Variants in LMBRD1 observed in about 807,000 individuals in gnomAD.
The protein encoded by LMBRD1 is lysosomal cobalamin transport escort protein LMBD1.
A neutral mutation model predicts 74.8 loss-of-function variants in LMBRD1; 64 were observed. That is an observed-to-expected ratio of 0.86 (90% confidence interval 0.70 to 1.05). The LOEUF (loss-of-function observed/expected upper bound fraction) is 1.05, where lower values mean the gene tolerates loss of function less well. LMBRD1 is among the 50% of genes least tolerant of loss of function. LMBRD1 has a pLI of 0.00. For synonymous variants in LMBRD1, 204 were observed against 216.3 expected, an observed-to-expected ratio of 0.94 and a Z score of 0.50; for missense variants, 652 against 645.9, an observed-to-expected ratio of 1.01 and a Z score of -0.10.
In LMBRD1 at chr6:69,737,967, C is replaced by T; in HGVS notation, c.611G>A (p.Gly204Glu). The change falls in exon 7 of 16, where the codon GGA becomes GAA. Residue 204 changes from glycine (G) to glutamate (E), a missense_variant. By Grantham distance (98) the Gly-to-Glu change is moderately conservative (BLOSUM62 -2). Transcript: ENST00000649934. ...TGTGTAAGTTATAGCTGCCAACATT[C>T]CAATCAAGGTCAGAGAACTGATAGA... ...SFSISSLTLI[G>E]MLAAITYTAY... The T allele has an allele frequency of 6.2e-7, 1 of 1,611,160 alleles. No individual in the cohort carries two copies.
chr6:69,705,929 T>C, intron 9 of LMBRD1: 1 of 1,209,484 alleles, frequency 8.3e-7, no homozygotes, highest in African/African-American at 1.5e-5. Flanking sequence ...ATTTTCAAAG[T>C]TGCCAGTGTT....
At position 69,790,228 on chromosome 6, in the gene LMBRD1, G is replaced by A. The variant is rs2125024; in HGVS notation, c.246+68C>T. ...CAGATACAAAAATAAAACACAATATGTATCGGACTGCCAAGTGTGCCAGAA... is the reference window on the plus strand; with the variant it reads ...CAGATACAAAAATAAAACACAATATATATCGGACTGCCAAGTGTGCCAGAA... On this transcript the variant is annotated intron_variant, in intron 2 of 15. Transcript: ENST00000649934. The A allele has an allele frequency of 0.4, 398,474 of 1,004,224 alleles. 81,319 individuals carry two copies. Among genetic ancestry groups the A allele is most frequent in the East Asian group, 0.54 (21,206 of 38,976 alleles). 62.2% of individuals were successfully genotyped at this position (1,004,224 alleles called of 1,614,324 possible).
At chr6:69,785,036 C>T (rs578210139) in intron 2 of LMBRD1, among the ~76,000 whole-genome samples, 47 of 152,270 alleles carry the variant, frequency 3.1e-4, no homozygotes, top group African/African-American at 1.1e-3. Flanking sequence ...ACCCACTCAA[C>T]CTAACCACCC....
In LMBRD1 at chr6:69,774,948, T is replaced by TGGAAGGAAGGAAGGAAGGAA. The variant is rs1157907347; in HGVS notation, c.307+5526_307+5545dup. ...CACTCCTGCCCAAAATACAGTGAGA[T>TGGAAGGAAGGAAGGAAGGAA]GGAAGGAAGGAAGGAAGGAAGGAAG... On this transcript the variant is annotated intron_variant, in intron 3 of 15. Coordinates refer to ENST00000649934, the MANE Select transcript of LMBRD1 (RefSeq NM_018368.4). 3.4e-3 allele frequency among the ~76,000 whole-genome samples: 132 copies of TGGAAGGAAGGAAGGAAGGAA among 38,876 alleles called. 6 individuals are homozygous for TGGAAGGAAGGAAGGAAGGAA. The highest frequency in any genetic ancestry group is 4.2e-3 in the Admixed American group (11 of 2,618). The allele number at this position is 38,876 out of a possible 152,430, so 25.5% of individuals were successfully genotyped here.
intron 14 of LMBRD1, among the ~76,000 whole-genome samples, chr6:69,691,295 C>T (rs1252664819): frequency 1.3e-5 from 2 of 150,956 alleles, no homozygotes; most frequent in Admixed American, 6.6e-5. Flanking sequence ...CTTATACTAT[C>T]TGTGCAACTT....
intron 7 of LMBRD1, among the ~76,000 whole-genome samples, chr6:69,720,927 C>T (rs534310877): frequency 2.6e-5 from 4 of 152,282 alleles, no homozygotes; most frequent in East Asian, 3.9e-4. Context: ...TTTTCGCTTT[C>T]AGGAGGGACA....
At chr6:69,753,377 A>G (rs984343961) in intron 3 of LMBRD1, among the ~76,000 whole-genome samples, 2 of 152,226 alleles carry the variant, frequency 1.3e-5, no homozygotes, top group African/African-American at 4.8e-5. Context: ...TATAAAAGAA[A>G]GCAGCTGTTA....
intron 7 of LMBRD1, among the ~76,000 whole-genome samples, chr6:69,724,345 AT>A (rs1223452433): frequency 4.3e-4 from 16 of 37,228 alleles, no homozygotes; most frequent in African/African-American, 2.2e-3. Context: ...CCAAAGACAC[AT>A]TTAAAAAAAA....
chr6:69,770,677 A>G (rs1474323880), intron 3 of LMBRD1, among the ~76,000 whole-genome samples: 1 of 152,226 alleles, frequency 6.6e-6, no homozygotes, highest in Non-Finnish European at 1.5e-5. Flanking sequence ...CTATGTGCCA[A>G]TATCTGTTCT....
In LMBRD1 at chr6:69,713,781, G is replaced by C; in HGVS notation, c.779C>G (p.Pro260Arg). The change falls in exon 9 of 16, where the codon CCT becomes CGT. Residue 260 changes from proline (P) to arginine (R), a missense_variant. Coordinates refer to ENST00000649934, the MANE Select transcript of LMBRD1 (RefSeq NM_018368.4). ...TIKSKSKDGRPLPARDKRALK... is the reference protein window; with the variant it reads ...TIKSKSKDGRRLPARDKRALK... ...GGCGCGTTTATCCCTTGCTGGCAAA[G>C]GTCGACCATCTTTGCTCTGCAAATA... is the stretch of plus-strand genomic sequence containing the variant. 1 of 1,613,506 alleles carries C rather than the reference G, an allele frequency of 6.2e-7. No homozygotes were observed. Among genetic ancestry groups the C allele is most frequent in the Non-Finnish European group, 8.5e-7 (1 of 1,179,630 alleles).
At chr6:69,728,218 C>T (rs762478337) in intron 7 of LMBRD1, among the ~76,000 whole-genome samples, 11 of 151,992 alleles carry the variant, frequency 7.2e-5, no homozygotes, top group Admixed American at 2.0e-4. Flanking sequence ...ACCCAGATCT[C>T]GTGAGAACTC....
intron 5 of LMBRD1, chr6:69,746,837 G>T: frequency 6.2e-6 from 1 of 162,228 alleles, no homozygotes; most frequent in Non-Finnish European, 1.4e-5. Flanking sequence ...GTTCCACCCG[G>T]CTTCCAAGGG....
intron 5 of LMBRD1, among the ~76,000 whole-genome samples, chr6:69,744,185 G>A (rs962961059): frequency 6.6e-5 from 10 of 152,132 alleles, no homozygotes; most frequent in Non-Finnish European, 1.5e-4. Flanking sequence ...GATTTGTGTG[G>A]TAGAAAGGTG....
chr6:69,720,400 C>A (rs534242901), intron 7 of LMBRD1, among the ~76,000 whole-genome samples: 1 of 152,098 alleles, frequency 6.6e-6, no homozygotes, highest in African/African-American at 2.4e-5. Context: ...CATTATTTCC[C>A]TTTTATCCCA....
At position 69,722,828 on chromosome 6, in the gene LMBRD1, C is replaced by T. The variant is rs73485534; in HGVS notation, c.637-3747G>A. Among the ~76,000 whole-genome samples, 1,052 of 152,192 alleles carry T rather than the reference C, an allele frequency of 6.9e-3. 15 individuals are homozygous for T. The highest frequency in any genetic ancestry group is 0.021 in the African/African-American group (882 of 41,546). On this transcript the variant is annotated intron_variant, in intron 7 of 15. Coordinates refer to ENST00000649934, the MANE Select transcript of LMBRD1 (RefSeq NM_018368.4). ...ATATAAATAACAAAATGGCAGAAGT[C>T]CTTACGTATCAGTAACAACACTGAA...
intron 12 of LMBRD1, among the ~76,000 whole-genome samples, 172 bp downstream of exon 12, chr6:69,700,593 C>G (rs1023532415): frequency 6.6e-6 from 1 of 151,642 alleles, no homozygotes; most frequent in South Asian, 2.1e-4. Flanking sequence ...ATTTAAGAAC[C>G]ACTGCTCTAG....
chr6:69,720,435 T>C (rs1766589488), intron 7 of LMBRD1, among the ~76,000 whole-genome samples: 3 of 152,218 alleles, frequency 2.0e-5, no homozygotes, highest in Admixed American at 2.0e-4. Flanking sequence ...GGAAGAAGAT[T>C]CTGTTACTAT....
intron 4 of LMBRD1, among the ~76,000 whole-genome samples, chr6:69,751,420 G>A (rs1162723288): frequency 3.3e-5 from 5 of 152,068 alleles, no homozygotes; most frequent in Non-Finnish European, 7.4e-5. Context: ...TCCGCCTCGC[G>A]GGTTCAAGCA....
chr6:69,704,318 G>C (rs1041847750), intron 9 of LMBRD1, among the ~76,000 whole-genome samples: 1 of 151,918 alleles, frequency 6.6e-6, no homozygotes, highest in African/African-American at 2.4e-5. Context: ...GTCAAATGCT[G>C]GTTTTCTAAT....
Sources: allele counts gnomAD v4.1 joint callset (sites outside exome capture counted in the v4.1 genomes callset), GRCh38; gene constraint gnomAD v4.1.1; transcripts MANE v1.5; gene names NCBI Gene and HGNC (gene_info 2026-07-23, HGNC 2026-07-21).